The following ASTN2 variants were observed in gnomAD, a reference collection of about 807,000 sequenced individuals.
The protein encoded by ASTN2 is astrotactin-2.
Under a neutral mutation model 139.8 loss-of-function variants are expected in ASTN2, and 54 were observed. The observed-to-expected ratio is 0.39, with a 90% CI of 0.31 to 0.48. The LOEUF is 0.48. Ranked by LOEUF, ASTN2 falls within the 20% of genes least tolerant of loss-of-function variation. The pLI is 0.95. For synonymous variants in ASTN2, 756 were observed against 719.5 expected (o/e 1.05, Z -0.81); for missense variants, 1,565 against 1,725.1 (o/e 0.91, Z 1.64).
intron 5 of ASTN2, among the ~76,000 whole-genome samples, chr9:117,062,229 C>A (rs1347566469): frequency 6.6e-6 from 1 of 152,190 alleles, no homozygotes; most frequent in Non-Finnish European, 1.5e-5. Context: ...TCAAGGTCAG[C>A]CACCTCAGCC....
intron 13 of ASTN2, among the ~76,000 whole-genome samples, chr9:116,802,179 C>T (rs1452168699): frequency 3.3e-5 from 5 of 149,872 alleles, no homozygotes; most frequent in East Asian, 2.0e-4. Context: ...CTCCGCCTCC[C>T]GGGTTTACGC....
intron 17 of ASTN2, among the ~76,000 whole-genome samples, chr9:116,632,402 C>T (rs530168925): frequency 4.6e-5 from 7 of 151,488 alleles, no homozygotes; most frequent in African/African-American, 1.7e-4. Context: ...TGAGACCAGC[C>T]TGGCCAATAT....
At chr9:117,038,648 T>C (rs1332701240) in intron 6 of ASTN2, among the ~76,000 whole-genome samples, 3 of 152,216 alleles carry the variant, frequency 2.0e-5, no homozygotes, top group Non-Finnish European at 4.4e-5. Context: ...TAAAAAGTTC[T>C]AAAACTAAAA....
chr9:116,474,919 T>C (rs1848929849), intron 20 of ASTN2, among the ~76,000 whole-genome samples: 1 of 152,126 alleles, frequency 6.6e-6, no homozygotes, highest in Admixed American at 6.5e-5. Flanking sequence ...CAAGGAACCC[T>C]AAAGTAGAAA....
At chr9:117,293,757 A>G (rs757678559) in intron 1 of ASTN2, among the ~76,000 whole-genome samples, 2 of 152,218 alleles carry the variant, frequency 1.3e-5, no homozygotes, top group African/African-American at 2.4e-5. Context: ...AGGTGAAGAC[A>G]TTATGGTAAA....
At chr9:116,652,602 T>C (rs1857980653) in intron 16 of ASTN2, among the ~76,000 whole-genome samples, 1 of 152,086 alleles carries the variant, frequency 6.6e-6, no homozygotes. Flanking sequence ...TGCTTGAAAA[T>C]ACCTCTGCAA....
chr9:117,043,025 C>G lies in ASTN2; in HGVS notation c.1277-3060G>C, dbSNP rs1838625189. On this transcript the variant is annotated intron_variant, in intron 5 of 22. Transcript: ENST00000313400. ...AGCTAGGGTTATAGGCACACACCAC[C>G]ACACCCAGCTAATTTTTGTATTTTT... 2.6e-5 allele frequency among the ~76,000 whole-genome samples: 4 copies of G among 152,110 alleles called. No homozygotes were observed. In the South Asian group the frequency reaches 8.3e-4, roughly 31 times the overall value.
At chr9:116,598,183 C>T (rs1854685865) in intron 19 of ASTN2, among the ~76,000 whole-genome samples, 1 of 152,090 alleles carries the variant, frequency 6.6e-6, no homozygotes, top group African/African-American at 2.4e-5. Flanking sequence ...GGGAAGTACC[C>T]AAAATCTCTC....
intron 16 of ASTN2, among the ~76,000 whole-genome samples, chr9:116,696,091 A>G (rs1860836735): frequency 6.6e-6 from 1 of 152,070 alleles, no homozygotes; most frequent in South Asian, 2.1e-4. Context: ...TCCCCACTCC[A>G]TTCCTGCTTT....
intron 13 of ASTN2, among the ~76,000 whole-genome samples, chr9:116,767,088 A>G (rs985972291): frequency 1.3e-5 from 2 of 152,150 alleles, no homozygotes; most frequent in African/African-American, 4.8e-5. Flanking sequence ...AAACACATAC[A>G]TTCATGCTCA....
intron 10 of ASTN2, among the ~76,000 whole-genome samples, chr9:116,906,085 T>C (rs1211682645): frequency 6.6e-6 from 1 of 152,030 alleles, no homozygotes; most frequent in Admixed American, 6.6e-5. Flanking sequence ...AGACCTCCTG[T>C]GCCTCACGCT....
At chr9:116,597,935 G>A (rs1854672597) in intron 19 of ASTN2, among the ~76,000 whole-genome samples, 1 of 152,152 alleles carries the variant, frequency 6.6e-6, no homozygotes, top group Non-Finnish European at 1.5e-5. Context: ...AAGGTGAGCT[G>A]GAGACAAACC....
intron 6 of ASTN2, among the ~76,000 whole-genome samples, chr9:117,027,187 C>T (rs1838113211): frequency 6.6e-6 from 1 of 152,184 alleles, no homozygotes; most frequent in Non-Finnish European, 1.5e-5. Flanking sequence ...CCCAACCCTA[C>T]AGATTAAGAA....
rs552086906 is a variant in ASTN2 at position 117,166,566 on chromosome 9, C to T, written c.1016-25088G>A. On this transcript the variant is annotated intron_variant, in intron 3 of 22. Coordinates refer to ENST00000313400, the MANE Select transcript of ASTN2 (RefSeq NM_001365068.1). ...GTGAAGCAAAACAAGCCAAACCTAA[C>T]GTCTCACAGCTCCTTCACATATAAT... Among the ~76,000 whole-genome samples, 6 of 152,190 alleles carry T rather than the reference C, an allele frequency of 3.9e-5. No individual in the cohort carries two copies. In the East Asian group the frequency reaches 5.8e-4, roughly 15 times the overall value.
At chr9:117,308,911 G>A (rs1269134222) in intron 1 of ASTN2, among the ~76,000 whole-genome samples, 1 of 152,178 alleles carries the variant, frequency 6.6e-6, no homozygotes, top group Admixed American at 6.5e-5. Flanking sequence ...CATATGGCAT[G>A]TGAAAACTTG....
At chr9:116,637,453 G>A (rs903342253) in intron 17 of ASTN2, among the ~76,000 whole-genome samples, 23 of 152,064 alleles carry the variant, frequency 1.5e-4, no homozygotes, top group African/African-American at 4.1e-4. Context: ...AAAAGCTTAC[G>A]AATTTAAGTA....
At chr9:117,368,420 A>T (rs552730328) in intron 1 of ASTN2, among the ~76,000 whole-genome samples, 13 of 152,314 alleles carry the variant, frequency 8.5e-5, no homozygotes, top group Admixed American at 8.5e-4. Context: ...GAAAATGATC[A>T]TACCCATTTT....
intron 1 of ASTN2, among the ~76,000 whole-genome samples, chr9:117,387,826 C>T (rs1830438659): frequency 6.6e-6 from 1 of 152,186 alleles, no homozygotes; most frequent in African/African-American, 2.4e-5. Flanking sequence ...TTGCCAGGCA[C>T]ATAAAGATTA....
At chr9:116,910,059 G>A (rs1486473455) in intron 10 of ASTN2, among the ~76,000 whole-genome samples, 1 of 152,184 alleles carries the variant, frequency 6.6e-6, no homozygotes, top group Non-Finnish European at 1.5e-5. Flanking sequence ...AGAAATTGCA[G>A]GAGCAAAGCC....
Sources: gnomAD v4.1 joint callset for allele counts (sites outside exome capture counted in the v4.1 genomes callset) on GRCh38, gnomAD v4.1.1 for gene constraint, MANE v1.5 for transcripts, NCBI Gene and HGNC (gene_info 2026-07-23, HGNC 2026-07-21) for gene names.